SLC35F3: variants seen among roughly 807,000 people sequenced by gnomAD.
The protein encoded by SLC35F3 is putative thiamine transporter SLC35F3.
In SLC35F3, 25 loss-of-function variants were observed where a neutral mutation model predicts 49.9. The ratio of observed to expected loss-of-function variants is 0.50; its 90% CI spans 0.37 to 0.70. The LOEUF is 0.70. Ranked by LOEUF, SLC35F3 falls within the 30% of genes least tolerant of loss-of-function variation. SLC35F3 has a pLI of 0.00. For synonymous variants in SLC35F3, 275 were observed against 265.4 expected, an observed-to-expected ratio of 1.04 and a Z score of -0.35; for missense variants, 525 against 639.8, an observed-to-expected ratio of 0.82 and a Z score of 1.94.
At chr1:234,141,743 C>T (rs1665916863) in intron 2 of SLC35F3, among the ~76,000 whole-genome samples, 1 of 152,152 alleles carries the variant, frequency 6.6e-6, no homozygotes, top group Non-Finnish European at 1.5e-5. Flanking sequence ...CTTGCTAAGT[C>T]CTCTCTACCT....
chr1:234,038,685 G>C (rs1260232684), intron 2 of SLC35F3, among the ~76,000 whole-genome samples: 3 of 152,176 alleles, frequency 2.0e-5, no homozygotes, highest in Non-Finnish European at 2.9e-5. Flanking sequence ...AAATGCAGTG[G>C]GGAACCATTG....
intron 2 of SLC35F3, among the ~76,000 whole-genome samples, chr1:234,179,343 A>G (rs1666523618): frequency 6.6e-6 from 1 of 152,208 alleles, no homozygotes; most frequent in African/African-American, 2.4e-5. Flanking sequence ...ACAAATCTGA[A>G]TACTTGGGAG....
chr1:234,301,420 C>T (rs1422540655), intron 3 of SLC35F3, among the ~76,000 whole-genome samples: 2 of 152,086 alleles, frequency 1.3e-5, no homozygotes, highest in Admixed American at 1.3e-4. Context: ...ATTTACACGG[C>T]CAACAAACAT....
intron 2 of SLC35F3, among the ~76,000 whole-genome samples, chr1:233,972,029 G>A (rs977873357): frequency 6.6e-5 from 10 of 152,254 alleles, no homozygotes; most frequent in Non-Finnish European, 1.3e-4. Context: ...AGCCCCAGCA[G>A]CTGGTGGCTG....
At chr1:234,011,629 A>T (rs375774398) in intron 2 of SLC35F3, among the ~76,000 whole-genome samples, 1 of 152,270 alleles carries the variant, frequency 6.6e-6, no homozygotes, top group East Asian at 1.9e-4. Context: ...TCATCTCAGG[A>T]TGTGGGAGGA....
chr1:234,038,983 G>C (rs1378116712), intron 2 of SLC35F3, among the ~76,000 whole-genome samples: 1 of 152,206 alleles, frequency 6.6e-6, no homozygotes, highest in Non-Finnish European at 1.5e-5. Flanking sequence ...AAAGCATGGA[G>C]AAATGCAGTT....
Position 233,905,586 on chromosome 1 carries a change from G to A in SLC35F3, c.111G>A (p.Gln37=). Reference sequence around the variant, plus strand: ...GGAGACTGTCCGACATCAGCCCCCAGCTCCGGCAGCTCAAGTACTTGGTGG... The same window carrying A: ...GGAGACTGTCCGACATCAGCCCCCAACTCCGGCAGCTCAAGTACTTGGTGG... ...SPRRLSDISP[Q]LRQLKYLVVD... The change falls in exon 2 of 8, where the codon CAG becomes CAA. Residue 37 remains glutamine, a synonymous_variant. Transcript: ENST00000366618. The A allele has an allele frequency of 6.2e-7, 1 of 1,614,150 alleles. No homozygotes were observed. The highest frequency in any genetic ancestry group is 1.3e-5 in the African/African-American group (1 of 75,072).
chr1:234,001,750 A>G (rs1663557062), intron 2 of SLC35F3, among the ~76,000 whole-genome samples: 1 of 152,248 alleles, frequency 6.6e-6, no homozygotes, highest in African/African-American at 2.4e-5. Flanking sequence ...GGAAGAGGGC[A>G]AAACCATAGA....
intron 2 of SLC35F3, among the ~76,000 whole-genome samples, chr1:234,018,852 C>T (rs1663847468): frequency 6.6e-6 from 1 of 152,200 alleles, no homozygotes; most frequent in South Asian, 2.1e-4. Context: ...TTTGTTTAAG[C>T]ATCTATTTTC....
chr1:234,022,472 T>A (rs1014264506), intron 2 of SLC35F3, among the ~76,000 whole-genome samples: 3 of 152,108 alleles, frequency 2.0e-5, no homozygotes, highest in Non-Finnish European at 4.4e-5. Flanking sequence ...CTCACAGGTT[T>A]TTTTCCTCAA....
At chr1:234,105,898 C>T (rs1243006806) in intron 2 of SLC35F3, among the ~76,000 whole-genome samples, 3 of 152,144 alleles carry the variant, frequency 2.0e-5, no homozygotes, top group Admixed American at 1.3e-4. Flanking sequence ...AGAGCCAGCT[C>T]GTAGCTGATC....
At chr1:234,116,251 T>A (rs945807921) in intron 2 of SLC35F3, among the ~76,000 whole-genome samples, 1 of 152,188 alleles carries the variant, frequency 6.6e-6, no homozygotes, top group Non-Finnish European at 1.5e-5. Flanking sequence ...ATTTATGAGC[T>A]CTGTGTCAGG....
chr1:233,962,368 G>A (rs1662818556), intron 2 of SLC35F3, among the ~76,000 whole-genome samples: 1 of 152,202 alleles, frequency 6.6e-6, no homozygotes, highest in Non-Finnish European at 1.5e-5. Flanking sequence ...AATTTAGTGT[G>A]TTTTATTTAC....
At chr1:234,251,571 C>A (rs1434345838) in intron 3 of SLC35F3, among the ~76,000 whole-genome samples, 1 of 151,434 alleles carries the variant, frequency 6.6e-6, no homozygotes, top group Non-Finnish European at 1.5e-5. Flanking sequence ...TCTCAAGAAT[C>A]AACAACATAA....
intron 2 of SLC35F3, among the ~76,000 whole-genome samples, chr1:234,164,744 T>C (rs1044378645): frequency 1.3e-5 from 2 of 151,424 alleles, no homozygotes; most frequent in Non-Finnish European, 2.9e-5. Flanking sequence ...TCTGTAAACA[T>C]TGCTGGGACT....
chr1:234,136,699 G>A (rs575211949), intron 2 of SLC35F3, among the ~76,000 whole-genome samples: 1 of 152,258 alleles, frequency 6.6e-6, no homozygotes, highest in Non-Finnish European at 1.5e-5. Flanking sequence ...GAACGCATGA[G>A]AGTATCAGGT....
chr1:234,287,235 T>C (rs750753534), intron 3 of SLC35F3, among the ~76,000 whole-genome samples: 2 of 152,112 alleles, frequency 1.3e-5, no homozygotes, highest in Admixed American at 6.6e-5. Flanking sequence ...CAACTAATGT[T>C]AATTATACAG....
intron 2 of SLC35F3, among the ~76,000 whole-genome samples, chr1:233,930,189 T>G (rs1416025208): frequency 2.0e-5 from 3 of 151,514 alleles, no homozygotes; most frequent in African/African-American, 7.3e-5. Flanking sequence ...AGAGAAAAAC[T>G]TTGAAAGGTT....
At chr1:234,050,100 G>C (rs575518923) in intron 2 of SLC35F3, among the ~76,000 whole-genome samples, 4 of 148,950 alleles carry the variant, frequency 2.7e-5, no homozygotes, top group African/African-American at 4.8e-5. Flanking sequence ...ATAAACATAC[G>C]TGTGCATGTG....
Sources: gnomAD v4.1 joint callset for allele counts (sites outside exome capture counted in the v4.1 genomes callset) on GRCh38, gnomAD v4.1.1 for gene constraint, MANE v1.5 for transcripts, NCBI Gene and HGNC (gene_info 2026-07-23, HGNC 2026-07-21) for gene names.